The following KIRREL3 variants were observed in gnomAD, a reference collection of about 807,000 sequenced individuals.
KIRREL3 encodes the protein kin of IRRE-like protein 3.
Under a neutral mutation model 89.7 loss-of-function variants are expected in KIRREL3, and 36 were observed. The ratio of observed to expected loss-of-function variants is 0.40; its 90% CI spans 0.31 to 0.53. The LOEUF is 0.53. Among genes scored for constraint, KIRREL3 ranks in the 20% least tolerant of loss-of-function variants. KIRREL3 has a pLI of 0.49. For missense variants in KIRREL3, 864 were observed against 1,056.6 expected, an observed-to-expected ratio of 0.82 and a Z score of 2.53; for synonymous variants, 445 against 441.4, an observed-to-expected ratio of 1.01 and a Z score of -0.10.
In KIRREL3 at chr11:126,995,094, A is replaced by C; in HGVS notation, c.55+5361T>G. On this transcript the variant is annotated intron_variant, in intron 1 of 16. Coordinates refer to ENST00000525144, the MANE Select transcript of KIRREL3 (RefSeq NM_032531.4). The surrounding 1 kb of genome is among the most constrained non-coding windows in gnomAD (Gnocchi z 6.5). ...TTGGAATACAGGATGAAGCGATTACAACCTGGGCGCAGTATACTGGCTGGC... is the reference window on the plus strand; with the variant it reads ...TTGGAATACAGGATGAAGCGATTACCACCTGGGCGCAGTATACTGGCTGGC... The C allele has an allele frequency of 2.4e-6, 1 of 421,800 alleles. No homozygotes were observed. Among genetic ancestry groups the C allele is most frequent in the South Asian group, 1.7e-5 (1 of 58,894 alleles). 26.1% of individuals were successfully genotyped at this position (421,800 alleles called of 1,614,324 possible). A position where few individuals can be genotyped will look rare whatever the true frequency, so the allele number is the denominator to read the frequency against.
intron 1 of KIRREL3, among the ~76,000 whole-genome samples, chr11:126,745,920 C>G (rs1055541448): frequency 6.6e-6 from 1 of 152,224 alleles, no homozygotes; most frequent in African/African-American, 2.4e-5. Flanking sequence ...AAGGGGCACA[C>G]TAGTGGTTAC....
chr11:126,835,406 G>A (rs1212877321), intron 1 of KIRREL3, among the ~76,000 whole-genome samples: 1 of 152,182 alleles, frequency 6.6e-6, no homozygotes, highest in Non-Finnish European at 1.5e-5. Flanking sequence ...CAAACCATAA[G>A]TCAGCCAGAA....
chr11:126,657,284 T>A (rs1484420483), intron 1 of KIRREL3, among the ~76,000 whole-genome samples: 1 of 151,426 alleles, frequency 6.6e-6, no homozygotes, highest in Non-Finnish European at 1.5e-5. Context: ...AAATAAATCT[T>A]CATGGAATCT....
chr11:126,446,072 C>T (rs899297544), intron 9 of KIRREL3, among the ~76,000 whole-genome samples: 14 of 147,962 alleles, frequency 9.5e-5, no homozygotes, highest in South Asian at 2.2e-4. Context: ...TACTTGAACC[C>T]GGGAGGCGGA....
intron 5 of KIRREL3, among the ~76,000 whole-genome samples, chr11:126,467,057 G>A (rs1291419428): frequency 6.6e-6 from 1 of 152,262 alleles, no homozygotes; most frequent in Non-Finnish European, 1.5e-5. Flanking sequence ...CAGGCATATA[G>A]ATGGCGTGTG....
intron 1 of KIRREL3, among the ~76,000 whole-genome samples, chr11:126,941,223 T>G (rs1948432711): frequency 6.6e-6 from 1 of 152,132 alleles, no homozygotes; most frequent in Non-Finnish European, 1.5e-5. Flanking sequence ...CTCAGCATCA[T>G]TTTTGGCAGT....
At chr11:126,665,416 G>GT (rs59605741) in intron 1 of KIRREL3, among the ~76,000 whole-genome samples, 2,656 of 152,320 alleles carry the variant, frequency 0.017, 96 homozygotes, top group African/African-American at 0.06. Context: ...TGGTCTGAAT[G>GT]TTTGTGTTTC....
chr11:126,932,701 AAGG>A, intron 1 of KIRREL3, among the ~76,000 whole-genome samples: 1 of 152,206 alleles, frequency 6.6e-6, no homozygotes, highest in Non-Finnish European at 1.5e-5. Flanking sequence ...GTAAGGGCAA[AAGG>A]CCTATGTATT....
intron 1 of KIRREL3, among the ~76,000 whole-genome samples, chr11:126,841,952 G>T (rs532293809): frequency 6.6e-6 from 1 of 152,230 alleles, no homozygotes; most frequent in Non-Finnish European, 1.5e-5. Context: ...GTCCTAGGGG[G>T]TAACCTTGCT....
rs566352549 is a variant in KIRREL3 at position 126,623,381 on chromosome 11, C to T, written c.56-60469G>A. ...GAGCCCTCTGAATTCTCCCACATCT[C>T]TGGGCACCCCTCTAATGTGCTCTTC... On this transcript the variant is annotated intron_variant, in intron 1 of 16. Transcript: ENST00000525144. The surrounding 1 kb of genome is among the most constrained non-coding windows in gnomAD (Gnocchi z 4.1). Among the ~76,000 whole-genome samples, 1 of 152,298 alleles carries T rather than the reference C, an allele frequency of 6.6e-6. No homozygotes were observed. Among genetic ancestry groups the T allele is most frequent in the East Asian group, 1.9e-4 (1 of 5,174 alleles).
At chr11:126,986,920 G>C (rs1949882753) in intron 1 of KIRREL3, among the ~76,000 whole-genome samples, 1 of 152,220 alleles carries the variant, frequency 6.6e-6, no homozygotes, top group Non-Finnish European at 1.5e-5. Flanking sequence ...ACTCAGCCTT[G>C]ATGGCACCTG....
rs1175464295 is a variant in KIRREL3, at chr11:126,985,600, GA to G, written c.55+14854del. 1.3e-5 allele frequency among the ~76,000 whole-genome samples: 2 copies of G among 152,136 alleles called. No individual in the cohort carries two copies. The highest frequency in any genetic ancestry group is 1.3e-4 in the Admixed American group (2 of 15,278). On this transcript the variant is annotated intron_variant, in intron 1 of 16. Transcript: ENST00000525144. The surrounding 1 kb of genome is among the most constrained non-coding windows in gnomAD (Gnocchi z 5.3). Reference sequence around the variant, plus strand: ...TGGGGGAGAGGAGACGGCCACTCCAGAGGGACAGGAGGCACGAGGGAGCAGA... The same window carrying G: ...TGGGGGAGAGGAGACGGCCACTCCAGGGGACAGGAGGCACGAGGGAGCAGA...
Position 126,892,515 on chromosome 11 carries a change from C to T in KIRREL3, c.55+107940G>A, listed in dbSNP as rs1592294480. ...TCCTTAAGGAAGAAAAAAAGCAACC[C>T]TGAGAAAATGATTTTCTTTTCACAG... On this transcript the variant is annotated intron_variant, in intron 1 of 16. Coordinates refer to ENST00000525144, the MANE Select transcript of KIRREL3 (RefSeq NM_032531.4). This position sits in a 1 kb window ranked among gnomAD's most constrained non-coding sequence, Gnocchi z 5.4. Among the ~76,000 whole-genome samples, 1 of 152,140 alleles carries T rather than the reference C, an allele frequency of 6.6e-6. No individual in the cohort carries two copies. Among genetic ancestry groups the T allele is most frequent in the Non-Finnish European group, 1.5e-5 (1 of 68,020 alleles).
rs1197829944 is a variant in KIRREL3 at position 126,696,539 on chromosome 11, C to T, written c.56-133627G>A. The stretch of plus-strand genomic sequence containing the variant: ...ACATCTGGCCCCACCGTCCAACCCA[C>T]CTTTCAGCCTCCAGGCAGGTCCTCA... On this transcript the variant is annotated intron_variant, in intron 1 of 16. Transcript: ENST00000525144. The surrounding 1 kb of genome is among the most constrained non-coding windows in gnomAD (Gnocchi z 4.4). Among the ~76,000 whole-genome samples, 2 of 152,216 alleles carry T rather than the reference C, an allele frequency of 1.3e-5. No individual in the cohort carries two copies. The highest frequency in any genetic ancestry group is 2.4e-5 in the African/African-American group (1 of 41,462).
Position 126,843,481 on chromosome 11 carries a change from C to A in KIRREL3, c.55+156974G>T, listed in dbSNP as rs572100952. On this transcript the variant is annotated intron_variant, in intron 1 of 16. Transcript: ENST00000525144. The surrounding 1 kb of genome is among the most constrained non-coding windows in gnomAD (Gnocchi z 4.6). ...CCAAAGTCCTGCTTTCAATTGTGAT[C>A]TGCCCAGTCTCGTCCCACAGAGACT... is the stretch of plus-strand genomic sequence containing the variant. 1.3e-5 allele frequency among the ~76,000 whole-genome samples: 2 copies of A among 152,282 alleles called. No individual in the cohort carries two copies. The highest frequency in any genetic ancestry group is 4.2e-4 in the South Asian group (2 of 4,818).
At position 126,981,975 on chromosome 11, in the gene KIRREL3, T is replaced by C. The variant is rs1174548370; in HGVS notation, c.55+18480A>G. Among the ~76,000 whole-genome samples, 1 of 152,224 alleles carries C rather than the reference T, an allele frequency of 6.6e-6. No individual in the cohort carries two copies. The highest frequency in any genetic ancestry group is 2.4e-5 in the African/African-American group (1 of 41,448). ...TTATCAGATAGAACAAATGCAAATATATACAAATTCATCCATATGAAGAAA... is the reference window on the plus strand; with the variant it reads ...TTATCAGATAGAACAAATGCAAATACATACAAATTCATCCATATGAAGAAA... On this transcript the variant is annotated intron_variant, in intron 1 of 16. Transcript: ENST00000525144. This position sits in a 1 kb window ranked among gnomAD's most constrained non-coding sequence, Gnocchi z 4.2.
intron 1 of KIRREL3, among the ~76,000 whole-genome samples, chr11:126,938,256 T>A (rs1250622775): frequency 2.0e-5 from 3 of 152,208 alleles, no homozygotes; most frequent in Non-Finnish European, 4.4e-5. Context: ...GCACTCAGTT[T>A]CCTGAATTTA....
At chr11:126,727,609 G>T (rs1278189595) in intron 1 of KIRREL3, among the ~76,000 whole-genome samples, 4 of 152,174 alleles carry the variant, frequency 2.6e-5, no homozygotes, top group African/African-American at 9.6e-5. Flanking sequence ...CCTCGGGGGG[G>T]TCTGGCCCTC....
At chr11:126,850,913 A>G (rs539365464) in intron 1 of KIRREL3, among the ~76,000 whole-genome samples, 1 of 152,294 alleles carries the variant, frequency 6.6e-6, no homozygotes, top group African/African-American at 2.4e-5. Flanking sequence ...AAAGACTAAC[A>G]GTTACCGGAC....
Sources: gnomAD v4.1 joint callset for allele counts (sites outside exome capture counted in the v4.1 genomes callset) on GRCh38, gnomAD v4.1.1 for gene constraint, Gnocchi (gnomAD v3.1) non-coding constraint, MANE v1.5 for transcripts, NCBI Gene and HGNC (gene_info 2026-07-23, HGNC 2026-07-21) for gene names.